Variants in SLC11A1 observed in about 807,000 individuals in gnomAD.
The protein encoded by SLC11A1 is natural resistance-associated macrophage protein 1.
A neutral mutation model predicts 63.2 loss-of-function variants in SLC11A1; 59 were observed. The ratio of observed to expected loss-of-function variants is 0.93; its 90% confidence interval spans 0.76 to 1.16. The LOEUF (loss-of-function observed/expected upper bound fraction) is 1.16. Among genes scored for constraint, SLC11A1 ranks in the 50% most tolerant of loss-of-function variants. SLC11A1 has a pLI of 0.00. For missense variants in SLC11A1, 688 were observed against 730.7 expected (o/e 0.94, Z 0.67); for synonymous variants, 305 against 307.8 (o/e 0.99, Z 0.09).
chr2:218,392,372 C>CT, intron 11 of SLC11A1: 1 of 163,360 alleles, frequency 6.1e-6, no homozygotes, highest in Non-Finnish European at 1.3e-5. Context: ...CTCTTTCTTT[C>CT]TTTTTTGAGA....
At chr2:218,391,065 C>A in intron 9 of SLC11A1, 133 bp from the exon 10 acceptor site, 1 of 712,736 alleles carries the variant, frequency 1.4e-6, no homozygotes, top group South Asian at 1.7e-5. Flanking sequence ...ATTTTGTTAG[C>A]CAAACAAAAT....
chr2:218,386,707 A>G lies in SLC11A1; in HGVS notation c.466A>G (p.Thr156Ala), dbSNP rs1170030499. 3 of 1,613,968 alleles carry G rather than the reference A, an allele frequency of 1.9e-6. No homozygotes were observed. Among genetic ancestry groups the G allele is most frequent in the Non-Finnish European group, 2.5e-6 (3 of 1,180,000 alleles). The change falls in exon 5 of 15, where the codon ACG becomes GCG. Residue 156 changes from threonine (T) to alanine (A), a missense_variant. By Grantham distance (58) the Thr-to-Ala change is moderately conservative. Coordinates refer to ENST00000233202, the MANE Select transcript of SLC11A1 (RefSeq NM_000578.4). ...CTCCGACATGCAGGAAGTCATCGGC[A>G]CGGCCATTGCATTCAATCTGCTCTC... ...VGSDMQEVIG[T>A]AIAFNLLSAG...
chr2:218,385,303 C>A lies in SLC11A1; in HGVS notation c.393+37C>A, dbSNP rs755273352. 1.1e-5 allele frequency: 17 copies of A among 1,612,818 alleles called. 1 individual carries two copies. The highest frequency in any genetic ancestry group is 3.3e-4 in the Middle Eastern group (2 of 6,082). On this transcript the variant is annotated intron_variant, in intron 4 of 14. Transcript: ENST00000233202. ...GGGCCTGGACAGGGAGAACCACTGG[C>A]CCCAAACCCCAAACAGCCATTTTCA...
chr2:218,389,417 G>C (rs1306223151), intron 8 of SLC11A1, among the ~76,000 whole-genome samples: 4 of 152,098 alleles, frequency 2.6e-5, no homozygotes, highest in Admixed American at 1.3e-4. Flanking sequence ...GCGGGTTGTA[G>C]TGGTGTGTGT....
chr2:218,391,531 C>G, intron 11 of SLC11A1, 36 bp downstream of exon 11: 1 of 1,552,054 alleles, frequency 6.4e-7, no homozygotes, highest in Non-Finnish European at 8.7e-7. Context: ...GGCAAGGGGT[C>G]CAAGGACAGC....
At chr2:218,391,540 G>C (rs756383753) in intron 11 of SLC11A1, 45 bp downstream of exon 11, 1 of 1,544,672 alleles carries the variant, frequency 6.5e-7, no homozygotes, top group Non-Finnish European at 8.7e-7. Context: ...TCCAAGGACA[G>C]CAGGCACACT....
Position 218,387,646 on chromosome 2 carries a change from G to A in SLC11A1, c.639+14G>A. ...TTTGGCTATGAGGTAGGAAGCCAGT[G>A]CTGCAACCCCACTGTGGACCTCCCA... On this transcript the variant is annotated intron_variant, in intron 7 of 14. Transcript: ENST00000233202. 1 of 1,614,020 alleles carries A rather than the reference G, an allele frequency of 6.2e-7. No individual in the cohort carries two copies. Among genetic ancestry groups the A allele is most frequent in the Non-Finnish European group, 8.5e-7 (1 of 1,179,920 alleles).
In SLC11A1 at chr2:218,394,101, C is replaced by T. The variant is rs747501438; in HGVS notation, c.1315-19C>T. The T allele has an allele frequency of 4.3e-6, 7 of 1,613,644 alleles. No individual in the cohort carries two copies. The highest frequency in any genetic ancestry group is 2.7e-5 in the African/African-American group (2 of 74,932). ...CTGAGGCAGAATTCCTCAGCCTAGGCTCCTGCTGCTCTCCCCAGCTCCCGT... is the reference window on the plus strand; with the variant it reads ...CTGAGGCAGAATTCCTCAGCCTAGGTTCCTGCTGCTCTCCCCAGCTCCCGT... On this transcript the variant is annotated intron_variant, in intron 12 of 14. Coordinates refer to ENST00000233202, the MANE Select transcript of SLC11A1 (RefSeq NM_000578.4).
chr2:218,392,346 G>C (rs532249272), intron 11 of SLC11A1: 1 of 172,842 alleles, frequency 5.8e-6, no homozygotes, highest in Admixed American at 6.3e-5. Context: ...TTACAGGCGT[G>C]AGCCACCGCG....
At chr2:218,383,305 G>T (rs924896514) in intron 2 of SLC11A1, 1 of 577,084 alleles carries the variant, frequency 1.7e-6, no homozygotes, top group African/African-American at 1.9e-5. Context: ...GTCTAAAAGC[G>T]ATTAAATGAC....
chr2:218,388,158 A>G (rs1696219469), intron 8 of SLC11A1: 3 of 587,748 alleles, frequency 5.1e-6, no homozygotes, highest in Non-Finnish European at 2.9e-6. Context: ...TCACGAGGTC[A>G]AGAGATCGAC....
chr2:218,386,642 G>A lies in SLC11A1; in HGVS notation c.401G>A (p.Arg134His), dbSNP rs1024056581. 1.9e-6 allele frequency: 3 copies of A among 1,612,772 alleles called. No individual in the cohort carries two copies. Among genetic ancestry groups the A allele is most frequent in the Admixed American group, 3.3e-5 (2 of 59,944 alleles). ...ATCATCTCCTCCCCATAGGTGCCCC[G>A]CACCGTCCTCTGGCTGACCATCGAG... is the stretch of plus-strand genomic sequence containing the variant. ...VCHLYYPKVP[R>H]TVLWLTIELA... The change falls in exon 5 of 15, where the codon CGC becomes CAC. Residue 134 changes from arginine (R) to histidine (H), a missense_variant. Coordinates refer to ENST00000233202, the MANE Select transcript of SLC11A1 (RefSeq NM_000578.4).
Position 218,395,158 on chromosome 2 carries a change from CT to C in SLC11A1, c.*126del. Reference sequence around the variant, plus strand: ...TTCCTGAGACCAGCCAACCTGGGGGCTTTAGGGACCTGCTGTTTCCTAGCGC... The same window carrying C: ...TTCCTGAGACCAGCCAACCTGGGGGCTTAGGGACCTGCTGTTTCCTAGCGC... On this transcript the variant is annotated 3_prime_UTR_variant, in exon 15 of 15. Transcript: ENST00000233202. 1 of 683,970 alleles carries C rather than the reference CT, an allele frequency of 1.5e-6. No individual in the cohort carries two copies. The highest frequency in any genetic ancestry group is 2.5e-6 in the Non-Finnish European group (1 of 398,842). 42.4% of individuals were successfully genotyped at this position (683,970 alleles called of 1,614,324 possible).
chr2:218,394,339 A>C lies in SLC11A1; in HGVS notation c.1388+146A>C. On this transcript the variant is annotated intron_variant, in intron 13 of 14. Coordinates refer to ENST00000233202, the MANE Select transcript of SLC11A1 (RefSeq NM_000578.4). Reference sequence around the variant, plus strand: ...TTAAGGGACTTACCCAGGTTCACACAGCTAGCAAGTTGAGGAGCCAAGACT... The same window carrying C: ...TTAAGGGACTTACCCAGGTTCACACCGCTAGCAAGTTGAGGAGCCAAGACT... 5 of 844,532 alleles carry C rather than the reference A, an allele frequency of 5.9e-6. No homozygotes were observed. In the South Asian group the frequency reaches 6.6e-5, roughly 11 times the overall value. 52.3% of individuals were successfully genotyped at this position (844,532 alleles called of 1,614,324 possible).
At chr2:218,387,476 A>C in intron 6 of SLC11A1, 89 bp from the exon 7 acceptor site, 6 of 1,342,524 alleles carry the variant, frequency 4.5e-6, no homozygotes, top group South Asian at 1.2e-5. Context: ...CACTGTGCCT[A>C]GAAGCGCTCG....
In SLC11A1 at chr2:218,388,996, C is replaced by T. The variant is rs117018415; in HGVS notation, c.796-874C>T. Among the ~76,000 whole-genome samples the T allele has an allele frequency of 1.5e-3, 234 of 151,934 alleles. 5 individuals are homozygous for T. The East Asian group carries it at 0.045, about 29-fold the overall frequency. ...TAAATTAGTTGGGTGTTGTGCACAC[C>T]TGTAGTCCTAGTTACTCAGGAGGTT... On this transcript the variant is annotated intron_variant, in intron 8 of 14. Coordinates refer to ENST00000233202, the MANE Select transcript of SLC11A1 (RefSeq NM_000578.4).
At chr2:218,394,820 T>C (rs934332740) in intron 14 of SLC11A1, 35 bp downstream of exon 14, 2 of 1,609,828 alleles carry the variant, frequency 1.2e-6, no homozygotes, top group Admixed American at 1.7e-5. Context: ...TGGGAATGGA[T>C]GAGGGAAGGA....
At chr2:218,388,714 A>C (rs1559120349) in intron 8 of SLC11A1, among the ~76,000 whole-genome samples, 1 of 152,164 alleles carries the variant, frequency 6.6e-6, no homozygotes. Context: ...AGGCAGGAGA[A>C]TCGCTTGAAG....
rs1195346973 is a variant in SLC11A1 at position 218,396,614 on chromosome 2, G to GACCTGGGCAAGCGCTGCAGAGGGT, written c.*1591_*1614dup. On this transcript the variant is annotated 3_prime_UTR_variant, in exon 15 of 15. Coordinates refer to ENST00000233202, the MANE Select transcript of SLC11A1 (RefSeq NM_000578.4). ...AGAAGAGATGGGACCGGTCTGGTGC[G>GACCTGGGCAAGCGCTGCAGAGGGT]ACCTGGGCAAGCGCTGCAGAGGGTA... 3.9e-5 allele frequency: 6 copies of GACCTGGGCAAGCGCTGCAGAGGGT among 152,592 alleles called. No individual in the cohort carries two copies. The highest frequency in any genetic ancestry group is 1.4e-4 in the African/African-American group (6 of 41,458). The allele number at this position is 152,592 out of a possible 1,614,324, so 9.5% of individuals were successfully genotyped here. A position where few individuals can be genotyped will look rare whatever the true frequency, so the allele number is the denominator to read the frequency against.
Sources: gnomAD v4.1 joint callset for allele counts (sites outside exome capture counted in the v4.1 genomes callset) on GRCh38, gnomAD v4.1.1 for gene constraint, MANE v1.5 for transcripts, NCBI Gene and HGNC (gene_info 2026-07-23, HGNC 2026-07-21) for gene names.